Variants in HPSE2 observed in about 807,000 individuals in gnomAD.
HPSE2 encodes the protein inactive heparanase-2.
HPSE2 carries 38 observed loss-of-function variants against 60.5 expected under a neutral mutation model. The observed-to-expected ratio is 0.63, with a 90% CI of 0.48 to 0.82. HPSE2 has a LOEUF of 0.82. HPSE2 is among the 40% of genes least tolerant of loss of function. The pLI is 0.00. For missense variants in HPSE2, 713 were observed against 740.4 expected (o/e 0.96, Z 0.43); for synonymous variants, 295 against 293.2 (o/e 1.01, Z -0.06).
chr10:99,071,069 CTTT>C (rs35699449), intron 3 of HPSE2, among the ~76,000 whole-genome samples: 12 of 132,568 alleles, frequency 9.1e-5, no homozygotes, highest in African/African-American at 8.3e-5. Context: ...ATTTTTAATT[CTTT>C]TTTTTTTTTT....
intron 3 of HPSE2, among the ~76,000 whole-genome samples, chr10:99,035,758 T>C (rs939019122): frequency 1.2e-4 from 19 of 152,314 alleles, no homozygotes; most frequent in Non-Finnish European, 2.6e-4. Context: ...CAGGAATTTT[T>C]CTCATAAACC....
At chr10:99,240,959 T>A in the HPSE2 span, among the ~76,000 whole-genome samples, 1 of 152,160 alleles carries the variant, frequency 6.6e-6, no homozygotes, top group African/African-American at 2.4e-5. Flanking sequence ...GTGTCCTCAC[T>A]TACTGCCTGT....
In HPSE2 at chr10:99,126,871, T is replaced by C. The variant is rs949728107; in HGVS notation, c.610+17367A>G. Reference sequence around the variant, plus strand: ...CAGCTTGGAGCCTGGGAGCCCCACTTGATAGCGAGACCCAGAAGGGCAATA... The same window carrying C: ...CAGCTTGGAGCCTGGGAGCCCCACTCGATAGCGAGACCCAGAAGGGCAATA... On this transcript the variant is annotated intron_variant, in intron 3 of 11. Transcript: ENST00000370552. This position sits in a 1 kb window ranked among gnomAD's most constrained non-coding sequence, Gnocchi z 4.0. Among the ~76,000 whole-genome samples, 5 of 152,034 alleles carry C rather than the reference T, an allele frequency of 3.3e-5. No individual in the cohort carries two copies. Among genetic ancestry groups the C allele is most frequent in the African/African-American group, 1.2e-4 (5 of 41,384 alleles).
rs956361614 is a variant in HPSE2, at chr10:98,748,025, G to A, written c.611-3969C>T. On this transcript the variant is annotated intron_variant, in intron 3 of 11. Transcript: ENST00000370552. Reference sequence around the variant, plus strand: ...TAAAATAATTATTGCTAGGCTGGGCGCAATGGCTCACACCTGTAATCCCAG... The same window carrying A: ...TAAAATAATTATTGCTAGGCTGGGCACAATGGCTCACACCTGTAATCCCAG... Among the ~76,000 whole-genome samples the A allele has an allele frequency of 7.2e-5, 11 of 152,226 alleles. 1 individual carries two copies. The highest frequency in any genetic ancestry group is 6.2e-4 in the South Asian group (3 of 4,820).
At chr10:98,841,234 G>A (rs1377640225) in intron 3 of HPSE2, among the ~76,000 whole-genome samples, 1 of 152,140 alleles carries the variant, frequency 6.6e-6, no homozygotes, top group East Asian at 1.9e-4. Context: ...TCCAGCCTGG[G>A]CGGCAGAGCA....
chr10:99,306,069 A>G, the HPSE2 span, among the ~76,000 whole-genome samples: 1 of 151,660 alleles, frequency 6.6e-6, no homozygotes, highest in Non-Finnish European at 1.5e-5. Context: ...AAAAATGAAG[A>G]AGACACAGAC....
intron 9 of HPSE2, among the ~76,000 whole-genome samples, chr10:98,548,689 A>G (rs1490894221): frequency 6.6e-6 from 1 of 152,080 alleles, no homozygotes; most frequent in East Asian, 1.9e-4. Flanking sequence ...ACAAGTGCTG[A>G]CATAGGCATT....
At chr10:98,945,540 G>T (rs1458726572) in intron 3 of HPSE2, among the ~76,000 whole-genome samples, 1 of 151,978 alleles carries the variant, frequency 6.6e-6, no homozygotes, top group Non-Finnish European at 1.5e-5. Flanking sequence ...TTACCATTAG[G>T]TTATCATTTT....
intron 3 of HPSE2, among the ~76,000 whole-genome samples, chr10:98,972,790 G>A (rs1955989229): frequency 6.6e-6 from 1 of 152,112 alleles, no homozygotes; most frequent in Non-Finnish European, 1.5e-5. Flanking sequence ...TCCATTTTCT[G>A]TAGTCCTGCC....
chr10:99,182,868 C>A (rs552456167), intron 2 of HPSE2, among the ~76,000 whole-genome samples: 9 of 151,810 alleles, frequency 5.9e-5, no homozygotes, highest in Non-Finnish European at 4.4e-5. Context: ...TGGTGGCAGG[C>A]GCCTGTAGTC....
At chr10:99,047,491 G>A in intron 3 of HPSE2, 1 of 352,860 alleles carries the variant, frequency 2.8e-6, no homozygotes, top group Non-Finnish European at 5.1e-6. Context: ...TTAAACAGAA[G>A]AGCTTCTGCA....
intron 3 of HPSE2, among the ~76,000 whole-genome samples, chr10:99,075,341 T>C (rs979695588): frequency 1.3e-5 from 2 of 152,174 alleles, no homozygotes; most frequent in African/African-American, 4.8e-5. Context: ...TTTTCCAGTT[T>C]CCCATCTACT....
the HPSE2 span, among the ~76,000 whole-genome samples, chr10:99,252,876 C>CAAAAAA: frequency 9.6e-6 from 1 of 103,854 alleles, no homozygotes. Context: ...GACTCCGTCT[C>CAAAAAA]AAAAAAAAAA....
intron 3 of HPSE2, among the ~76,000 whole-genome samples, chr10:98,909,761 A>G (rs1953928710): frequency 6.6e-6 from 1 of 152,188 alleles, no homozygotes; most frequent in African/African-American, 2.4e-5. Context: ...CTTACACATC[A>G]AAGTGTTTAT....
intron 3 of HPSE2, among the ~76,000 whole-genome samples, chr10:99,026,073 C>G (rs1385067900): frequency 6.6e-6 from 1 of 151,884 alleles, no homozygotes; most frequent in African/African-American, 2.4e-5. Flanking sequence ...GAGAACACCA[C>G]AAAACAACCA....
At chr10:99,168,655 G>A (rs1030372606) in intron 2 of HPSE2, among the ~76,000 whole-genome samples, 1 of 152,088 alleles carries the variant, frequency 6.6e-6, no homozygotes, top group African/African-American at 2.4e-5. Flanking sequence ...ATATTTAGGA[G>A]GGAGTTATCA....
upstream of HPSE2, among the ~76,000 whole-genome samples, chr10:99,237,465 G>A (rs1849888316): frequency 6.6e-6 from 1 of 152,114 alleles, no homozygotes; most frequent in Admixed American, 6.5e-5. Flanking sequence ...ACCTTCAACT[G>A]AAGTTCCCTG....
intron 3 of HPSE2, among the ~76,000 whole-genome samples, chr10:98,989,659 GAAA>G (rs34373829): frequency 6.7e-6 from 1 of 150,202 alleles, no homozygotes; most frequent in Non-Finnish European, 1.5e-5. Context: ...AAAAAAAAAA[GAAA>G]AAAAACTCAA....
chr10:98,917,314 A>G (rs1424162284), intron 3 of HPSE2, among the ~76,000 whole-genome samples: 7 of 152,220 alleles, frequency 4.6e-5, no homozygotes, highest in Admixed American at 2.6e-4. Context: ...CAATAAACAT[A>G]ATGGTGATTC....
Sources: allele counts gnomAD v4.1 joint callset (sites outside exome capture counted in the v4.1 genomes callset), GRCh38; gene constraint gnomAD v4.1.1; non-coding constraint Gnocchi (gnomAD v3.1); transcripts MANE v1.5; gene names NCBI Gene and HGNC (gene_info 2026-07-23, HGNC 2026-07-21).